Variants in RIPOR2 observed in about 807,000 individuals in gnomAD.
RIPOR2 encodes RHO family interacting cell polarization regulator 2, also known as rho family-interacting cell polarization regulator 2.
In RIPOR2, 39 loss-of-function variants were observed where a neutral mutation model predicts 114.5. The ratio of observed to expected loss-of-function variants is 0.34; its 90% confidence interval spans 0.26 to 0.44. The LOEUF (loss-of-function observed/expected upper bound fraction) is 0.44, where lower values mean the gene tolerates loss of function less well. Among genes scored for constraint, RIPOR2 ranks in the 20% least tolerant of loss-of-function variants. The pLI is 1.00. For synonymous variants in RIPOR2, 445 were observed against 484.4 expected (o/e 0.92, Z 1.07); for missense variants, 1,007 against 1,255.1 (o/e 0.80, Z 2.99).
chr6:24,850,114 G>A (rs200767222), intron 10 of RIPOR2, among the ~76,000 whole-genome samples, 164 bp from the exon 11 acceptor site: 3 of 49,196 alleles, frequency 6.1e-5, no homozygotes, highest in Non-Finnish European at 1.3e-4. Flanking sequence ...TTTTTTTTTT[G>A]GAGACAGGGT....
chr6:24,894,593 T>C (rs1386618863), intron 1 of RIPOR2, among the ~76,000 whole-genome samples: 1 of 152,174 alleles, frequency 6.6e-6, no homozygotes, highest in Non-Finnish European at 1.5e-5. Flanking sequence ...ACATCATCAA[T>C]CAGTACAAAT....
upstream of RIPOR2, among the ~76,000 whole-genome samples, chr6:24,937,094 A>T (rs1370687122): frequency 6.6e-6 from 1 of 152,190 alleles, no homozygotes; most frequent in Non-Finnish European, 1.5e-5. Context: ...GGAATTCAGG[A>T]ATCAGACACT....
At chr6:24,962,602 T>C (rs1345154799) in intron 1 of RIPOR2, among the ~76,000 whole-genome samples, 1 of 151,450 alleles carries the variant, frequency 6.6e-6, no homozygotes, top group Non-Finnish European at 1.5e-5. Flanking sequence ...GTAACATGTA[T>C]TGTCTAGGAG....
intron 1 of RIPOR2, among the ~76,000 whole-genome samples, chr6:25,018,200 T>G (rs1776110125): frequency 6.6e-6 from 1 of 152,214 alleles, no homozygotes; most frequent in African/African-American, 2.4e-5. Context: ...GTGCCTGAAC[T>G]GACCTTGCAA....
intron 1 of RIPOR2, among the ~76,000 whole-genome samples, chr6:24,920,773 C>T (rs1257871285): frequency 2.0e-5 from 3 of 152,202 alleles, no homozygotes; most frequent in Admixed American, 6.5e-5. Context: ...CAATACCCTT[C>T]CTCACCTTAA....
chr6:24,883,368 A>G lies in RIPOR2; in HGVS notation c.62-7551T>C, dbSNP rs911907615. Among the ~76,000 whole-genome samples, 1 of 152,208 alleles carries G rather than the reference A, an allele frequency of 6.6e-6. No homozygotes were observed. Among genetic ancestry groups the G allele is most frequent in the Non-Finnish European group, 1.5e-5 (1 of 68,038 alleles). ...GAGACCAACCCCTCTGAGACAAGAC[A>G]ATTGACCCATAGATCAGTTGGCTGT... On this transcript the variant is annotated intron_variant, in intron 1 of 21. Transcript: ENST00000643898. The surrounding 1 kb of genome is among the most constrained non-coding windows in gnomAD (Gnocchi z 4.1).
intron 13 of RIPOR2, chr6:24,840,694 C>G: frequency 6.5e-7 from 1 of 1,535,190 alleles, no homozygotes; most frequent in Non-Finnish European, 8.7e-7. Flanking sequence ...TCTTTTAAAT[C>G]ACAGTTGTCT....
At chr6:25,038,356 G>A (rs139041400) in intron 1 of RIPOR2, among the ~76,000 whole-genome samples, 1 of 152,346 alleles carries the variant, frequency 6.6e-6, no homozygotes, top group East Asian at 1.9e-4. Flanking sequence ...TTTTACTTCT[G>A]TGATTAGATT....
At chr6:24,830,374 T>C in intron 17 of RIPOR2, 135 bp downstream of exon 17, 1 of 676,126 alleles carries the variant, frequency 1.5e-6, no homozygotes, top group Non-Finnish European at 2.5e-6. Flanking sequence ...AGTACACTTC[T>C]TTTTTCAGGG....
chr6:24,969,588 GC>G (rs1773684053), intron 1 of RIPOR2, among the ~76,000 whole-genome samples: 1 of 152,116 alleles, frequency 6.6e-6, no homozygotes, highest in Non-Finnish European at 1.5e-5. Flanking sequence ...TTGTTGAGGG[GC>G]CCTCTAAGCC....
Position 24,832,296 on chromosome 6 carries a change from G to A in RIPOR2, c.2304C>T (p.Val768=), listed in dbSNP as rs1760751745. ...TGATATTTCCTATGTTCTCATCACT[G>A]ACAGCTGCGAGTTTCTCCATCACTT... The part of the protein sequence containing the change: ...QIQVMEKLAA[V]SDENIGNISS... The change falls in exon 16 of 22, where the codon GTC becomes GTT. Residue 768 remains valine, a synonymous_variant. Coordinates refer to ENST00000643898, the MANE Select transcript of RIPOR2 (RefSeq NM_001286445.3). 6.4e-7 allele frequency: 1 copy of A among 1,551,594 alleles called. No homozygotes were observed. The highest frequency in any genetic ancestry group is 1.4e-5 in the African/African-American group (1 of 73,044).
intron 7 of RIPOR2, among the ~76,000 whole-genome samples, chr6:24,862,039 A>G (rs189563888): frequency 1.1e-4 from 17 of 152,342 alleles, no homozygotes; most frequent in East Asian, 5.8e-4. Context: ...CTTCTCTTTG[A>G]TGTTGAAGGA....
intron 14 of RIPOR2, 74 bp downstream of exon 14, chr6:24,839,017 C>G: frequency 7.9e-7 from 1 of 1,273,558 alleles, no homozygotes; most frequent in Non-Finnish European, 1.1e-6. Flanking sequence ...ACCAGGTCCC[C>G]TCTGACAGTA....
intron 1 of RIPOR2, among the ~76,000 whole-genome samples, chr6:24,984,096 C>T (rs1774427627): frequency 6.6e-6 from 1 of 152,132 alleles, no homozygotes; most frequent in Non-Finnish European, 1.5e-5. Context: ...CCTCGGAGCA[C>T]CAGGTCAGCC....
chr6:25,016,122 G>A (rs9461091), intron 1 of RIPOR2, among the ~76,000 whole-genome samples: 61 of 151,918 alleles, frequency 4.0e-4, no homozygotes, highest in African/African-American at 1.5e-3. Flanking sequence ...GGCCAGGCTG[G>A]TCTCGAACTC....
chr6:24,891,896 T>C (rs1767400217), intron 1 of RIPOR2, among the ~76,000 whole-genome samples: 1 of 152,196 alleles, frequency 6.6e-6, no homozygotes, highest in Non-Finnish European at 1.5e-5. Flanking sequence ...TTTTGCTTTG[T>C]TGTCCAGGCT....
At chr6:24,898,675 C>T (rs936430256) in intron 1 of RIPOR2, 15 of 152,166 alleles carry the variant, frequency 9.9e-5, no homozygotes, top group African/African-American at 3.6e-4. Context: ...TATACGTTCC[C>T]ATATAAGACA....
intron 1 of RIPOR2, among the ~76,000 whole-genome samples, chr6:24,928,590 C>A (rs950220825): frequency 1.3e-5 from 2 of 152,198 alleles, no homozygotes; most frequent in Admixed American, 6.5e-5. Flanking sequence ...GCTGCTCTTA[C>A]GCTGTTGCTG....
At chr6:24,917,622 C>T (rs930208864) in intron 1 of RIPOR2, among the ~76,000 whole-genome samples, 12 of 152,144 alleles carry the variant, frequency 7.9e-5, no homozygotes, top group Admixed American at 5.2e-4. Flanking sequence ...CTCCGCCTCC[C>T]GGGTTCAAGT....
Sources: gnomAD v4.1 joint callset for allele counts (sites outside exome capture counted in the v4.1 genomes callset) on GRCh38, gnomAD v4.1.1 for gene constraint, Gnocchi (gnomAD v3.1) non-coding constraint, MANE v1.5 for transcripts, NCBI Gene and HGNC (gene_info 2026-07-23, HGNC 2026-07-21) for gene names.